Variants in ERC2 observed in about 807,000 individuals in gnomAD.
ERC2 encodes the protein ELKS/RAB6-interacting/CAST family member 2, also known as ERC protein 2.
Under a neutral mutation model 114.8 loss-of-function variants are expected in ERC2, and 42 were observed. The observed-to-expected ratio is 0.37, with a 90% CI of 0.29 to 0.47. The LOEUF (loss-of-function observed/expected upper bound fraction) is 0.47. Ranked by LOEUF, ERC2 falls within the 20% of genes least tolerant of loss-of-function variation. ERC2 has a pLI of 0.99. For missense variants in ERC2, 939 were observed against 1,150.7 expected, an observed-to-expected ratio of 0.82 and a Z score of 2.66; for synonymous variants, 454 against 425.5, an observed-to-expected ratio of 1.07 and a Z score of -0.82.
At chr3:55,551,351 C>T (rs1243568680) in intron 17 of ERC2, among the ~76,000 whole-genome samples, 8 of 151,512 alleles carry the variant, frequency 5.3e-5, no homozygotes, top group Non-Finnish European at 1.0e-4. Flanking sequence ...GGTGAAACCG[C>T]GTCTCTACTG....
intron 17 of ERC2, among the ~76,000 whole-genome samples, chr3:55,543,525 G>T (rs891975580): frequency 3.9e-5 from 6 of 152,198 alleles, no homozygotes; most frequent in Admixed American, 2.0e-4. Context: ...GTTAGCGGTT[G>T]GCCTCCCTCC....
chr3:56,065,524 TAA>T (rs78858402), intron 7 of ERC2, among the ~76,000 whole-genome samples: 1 of 147,994 alleles, frequency 6.8e-6, no homozygotes, highest in African/African-American at 2.5e-5. Context: ...CTTTCTTTTT[TAA>T]AAAAAAAAAA....
At chr3:56,007,519 A>G (rs2072590661) in intron 9 of ERC2, among the ~76,000 whole-genome samples, 198 bp from the exon 10 acceptor site, 2 of 152,110 alleles carry the variant, frequency 1.3e-5, no homozygotes, top group South Asian at 4.1e-4. Flanking sequence ...GTAGGATCTA[A>G]TTGCCGTAGA....
intron 12 of ERC2, among the ~76,000 whole-genome samples, chr3:55,960,437 T>G (rs2068282390): frequency 6.6e-6 from 1 of 152,192 alleles, no homozygotes; most frequent in South Asian, 2.1e-4. Flanking sequence ...ACTTTTACCC[T>G]TTAAGTCTCA....
chr3:56,403,453 C>T (rs2060594850), intron 2 of ERC2, among the ~76,000 whole-genome samples: 2 of 152,184 alleles, frequency 1.3e-5, no homozygotes, highest in South Asian at 2.1e-4. Context: ...CAGGTGGTTA[C>T]CACATGGGAC....
At chr3:56,370,889 C>A (rs947137376) in intron 2 of ERC2, among the ~76,000 whole-genome samples, 20 of 152,158 alleles carry the variant, frequency 1.3e-4, no homozygotes, top group Non-Finnish European at 2.8e-4. Flanking sequence ...GCACTGCGCC[C>A]AGCCTTGCTT....
At chr3:55,852,801 A>G (rs1452401059) in intron 14 of ERC2, among the ~76,000 whole-genome samples, 1 of 152,230 alleles carries the variant, frequency 6.6e-6, no homozygotes, top group Non-Finnish European at 1.5e-5. Context: ...AAAATTACTC[A>G]ATAAAAATAC....
rs79518051 is a variant in ERC2, at chr3:56,225,920, A to C, written c.1075-52400T>G. Among the ~76,000 whole-genome samples, 612 of 152,302 alleles carry C rather than the reference A, an allele frequency of 4.0e-3. 19 individuals are homozygous for C. The East Asian group carries it at 0.08, about 20-fold the overall frequency. On this transcript the variant is annotated intron_variant, in intron 3 of 17. Transcript: ENST00000288221. ...GATCCAGCTGGAACTTCACATCCTC[A>C]GAACCAACAATCTGCCTTCCTAAGC...
intron 6 of ERC2, among the ~76,000 whole-genome samples, chr3:56,129,445 T>A (rs147721983): frequency 9.5e-4 from 145 of 152,322 alleles, no homozygotes; most frequent in Non-Finnish European, 1.5e-3. Flanking sequence ...ACTTAATAAA[T>A]TCTGTTTTCC....
chr3:55,713,096 T>TTC (rs143906006), intron 15 of ERC2, among the ~76,000 whole-genome samples: 10,593 of 134,954 alleles, frequency 0.078, 597 homozygotes, highest in Admixed American at 0.22. Flanking sequence ...TCCTCTGCCA[T>TTC]TCTCTCTCTC....
At chr3:56,371,098 C>G (rs2059347453) in intron 2 of ERC2, among the ~76,000 whole-genome samples, 1 of 152,182 alleles carries the variant, frequency 6.6e-6, no homozygotes, top group Non-Finnish European at 1.5e-5. Context: ...GATTCAGATT[C>G]TGGCTTTTCC....
intron 2 of ERC2, among the ~76,000 whole-genome samples, chr3:56,321,906 CAA>C (rs1283286210): frequency 1.3e-5 from 2 of 152,190 alleles, no homozygotes; most frequent in Non-Finnish European, 2.9e-5. Flanking sequence ...CACCACCTAA[CAA>C]GAGATAAATC....
chr3:55,535,899 C>A (rs997088812), intron 17 of ERC2, among the ~76,000 whole-genome samples: 1 of 152,066 alleles, frequency 6.6e-6, no homozygotes, highest in African/African-American at 2.4e-5. Flanking sequence ...GAGGCTGAGA[C>A]AGGGAGGGAG....
intron 2 of ERC2, among the ~76,000 whole-genome samples, chr3:56,402,474 C>A (rs1248274663): frequency 6.6e-6 from 1 of 152,118 alleles, no homozygotes; most frequent in Non-Finnish European, 1.5e-5. Flanking sequence ...TTCAAATCCC[C>A]ATCTCCAAAG....
chr3:55,741,996 G>A (rs2065988778), intron 14 of ERC2, among the ~76,000 whole-genome samples: 1 of 151,794 alleles, frequency 6.6e-6, no homozygotes, highest in South Asian at 2.1e-4. Context: ...AAAAATATGT[G>A]CAAGAACACA....
intron 17 of ERC2, among the ~76,000 whole-genome samples, chr3:55,577,230 A>G (rs1352977578): frequency 6.6e-6 from 1 of 151,922 alleles, no homozygotes; most frequent in Non-Finnish European, 1.5e-5. Context: ...CTGCATTGCT[A>G]CTTTTTAATT....
chr3:56,165,360 T>G (rs1181082779), intron 4 of ERC2, among the ~76,000 whole-genome samples: 1 of 152,002 alleles, frequency 6.6e-6, no homozygotes, highest in Non-Finnish European at 1.5e-5. Context: ...AGGGTACATG[T>G]GCACAGTGTA....
intron 7 of ERC2, among the ~76,000 whole-genome samples, chr3:56,045,477 C>T (rs2075409101): frequency 6.6e-6 from 1 of 152,130 alleles, no homozygotes; most frequent in South Asian, 2.1e-4. Context: ...CTGATAAGCA[C>T]CTCAAAGATG....
chr3:56,266,076 A>G (rs1433857298), intron 3 of ERC2, among the ~76,000 whole-genome samples: 2 of 128,306 alleles, frequency 1.6e-5, no homozygotes, highest in African/African-American at 2.8e-5. Context: ...AAAATAAAAT[A>G]AAATAAAATA....
Sources: gnomAD v4.1 joint callset for allele counts (sites outside exome capture counted in the v4.1 genomes callset) on GRCh38, gnomAD v4.1.1 for gene constraint, MANE v1.5 for transcripts, NCBI Gene and HGNC (gene_info 2026-07-23, HGNC 2026-07-21) for gene names.